DLGAP1: variants seen among roughly 807,000 people sequenced by gnomAD.
DLGAP1 encodes disks large-associated protein 1.
Under a neutral mutation model 90.8 loss-of-function variants are expected in DLGAP1, and 11 were observed. The ratio of observed to expected loss-of-function variants is 0.12; its 90% CI spans 0.08 to 0.20. The LOEUF (loss-of-function observed/expected upper bound fraction) is 0.20, where lower values mean the gene tolerates loss of function less well. DLGAP1 is among the 10% of genes least tolerant of loss of function. The pLI, the probability that DLGAP1 is intolerant of heterozygous loss-of-function variation, is 1.00. For synonymous variants in DLGAP1, 558 were observed against 540.7 expected (o/e 1.03, Z -0.44); for missense variants, 1,050 against 1,333.8 (o/e 0.79, Z 3.31).
intron 4 of DLGAP1, among the ~76,000 whole-genome samples, chr18:3,837,638 C>T (rs774497407): frequency 6.6e-6 from 1 of 151,776 alleles, no homozygotes; most frequent in African/African-American, 2.4e-5. Context: ...TGCCTGAGCT[C>T]GGGAGTTTGA....
chr18:3,917,456 T>C (rs2072171018), intron 3 of DLGAP1, among the ~76,000 whole-genome samples: 1 of 152,222 alleles, frequency 6.6e-6, no homozygotes, highest in African/African-American at 2.4e-5. Flanking sequence ...CTCAGTCAGT[T>C]TGTTGTTACC....
Position 3,515,197 on chromosome 18 carries a change from G to A in DLGAP1, c.2480-6536C>T, listed in dbSNP as rs184572295. ...CAAAATTGGAGTCAAGGGGCCGGGC[G>A]CGGTGGCTCACGCCTGTAATCCCAG... On this transcript the variant is annotated intron_variant, in intron 10 of 12. Coordinates refer to ENST00000315677, the MANE Select transcript of DLGAP1 (RefSeq NM_004746.4). Among the ~76,000 whole-genome samples, 573 of 152,306 alleles carry A rather than the reference G, an allele frequency of 3.8e-3. 5 individuals carry two copies. Among genetic ancestry groups the A allele is most frequent in the South Asian group, 8.1e-3 (39 of 4,830 alleles).
chr18:4,419,272 C>T (rs1378426134), intron 1 of DLGAP1, among the ~76,000 whole-genome samples: 2 of 152,104 alleles, frequency 1.3e-5, no homozygotes, highest in Non-Finnish European at 2.9e-5. Flanking sequence ...ATGATGCAAT[C>T]ATCTCCCACT....
At chr18:3,701,692 G>A (rs1006027338) in intron 7 of DLGAP1, among the ~76,000 whole-genome samples, 1 of 152,202 alleles carries the variant, frequency 6.6e-6, no homozygotes, top group Non-Finnish European at 1.5e-5. Context: ...CCAGGAGACT[G>A]TTTGGACTTT....
intron 4 of DLGAP1, among the ~76,000 whole-genome samples, chr18:3,818,516 T>C (rs989173957): frequency 6.6e-6 from 1 of 152,072 alleles, no homozygotes; most frequent in Admixed American, 6.5e-5. Context: ...TGTGCCACCA[T>C]GCCCAGCTAC....
intron 3 of DLGAP1, among the ~76,000 whole-genome samples, chr18:3,911,493 T>C (rs1379717240): frequency 6.6e-6 from 1 of 152,196 alleles, no homozygotes; most frequent in Non-Finnish European, 1.5e-5. Context: ...ACTCTGTCAG[T>C]AGATGGATTA....
intron 4 of DLGAP1, among the ~76,000 whole-genome samples, chr18:3,842,383 A>G (rs2068766259): frequency 1.3e-5 from 2 of 152,184 alleles, no homozygotes. Flanking sequence ...AGGATTTTTA[A>G]GCAGAAGATT....
chr18:3,567,352 G>A (rs2054493871), intron 9 of DLGAP1, 138 bp downstream of exon 9: 3 of 686,354 alleles, frequency 4.4e-6, no homozygotes, highest in Non-Finnish European at 7.4e-6. Context: ...AACTAATATT[G>A]ATTCAACTTC....
At chr18:4,028,161 T>C (rs544552704) in intron 2 of DLGAP1, among the ~76,000 whole-genome samples, 14 of 152,370 alleles carry the variant, frequency 9.2e-5, no homozygotes, top group African/African-American at 3.1e-4. Flanking sequence ...GGGGCTGTTA[T>C]TGCAAAGACA....
At chr18:4,326,860 G>A (rs75569704) in intron 1 of DLGAP1, among the ~76,000 whole-genome samples, 3,626 of 152,168 alleles carry the variant, frequency 0.024, 150 homozygotes, top group African/African-American at 0.083. Flanking sequence ...AGGGTGAAGC[G>A]TAGGAGAAGG....
chr18:4,362,093 T>G (rs560868370), intron 1 of DLGAP1, among the ~76,000 whole-genome samples: 91 of 152,242 alleles, frequency 6.0e-4, no homozygotes, highest in African/African-American at 2.0e-3. Flanking sequence ...CAAGTGTTGG[T>G]GAGGATGTAG....
At chr18:3,997,765 A>G (rs1286071115) in intron 3 of DLGAP1, among the ~76,000 whole-genome samples, 1 of 152,170 alleles carries the variant, frequency 6.6e-6, no homozygotes, top group Non-Finnish European at 1.5e-5. Flanking sequence ...AATATTATGT[A>G]TGTAGTCATA....
chr18:4,128,782 T>G (rs988721290), intron 2 of DLGAP1, among the ~76,000 whole-genome samples: 4 of 151,902 alleles, frequency 2.6e-5, no homozygotes, highest in Non-Finnish European at 5.9e-5. Context: ...AAGATGAGAG[T>G]GAACGACAGA....
chr18:3,877,409 T>G lies in DLGAP1; in HGVS notation c.957+1703A>C, dbSNP rs569829479. Reference sequence around the variant, plus strand: ...GCATCCTTTACTCTGATACTTCTCATCTAATCTCATCATTACTTACTTAAG... The same window carrying G: ...GCATCCTTTACTCTGATACTTCTCAGCTAATCTCATCATTACTTACTTAAG... On this transcript the variant is annotated intron_variant, in intron 4 of 12. Coordinates refer to ENST00000315677, the MANE Select transcript of DLGAP1 (RefSeq NM_004746.4). Among the ~76,000 whole-genome samples, 38 of 152,358 alleles carry G rather than the reference T, an allele frequency of 2.5e-4. No homozygotes were observed. In the South Asian group the frequency reaches 6.0e-3, roughly 24 times the overall value.
intron 2 of DLGAP1, among the ~76,000 whole-genome samples, chr18:4,047,235 A>G (rs546907921): frequency 1.8e-4 from 27 of 152,360 alleles, no homozygotes; most frequent in African/African-American, 6.3e-4. Flanking sequence ...CAGACAAATA[A>G]AATGGTTTGC....
intron 1 of DLGAP1, among the ~76,000 whole-genome samples, chr18:4,352,796 C>A (rs1172487822): frequency 1.3e-5 from 2 of 152,222 alleles, no homozygotes; most frequent in Non-Finnish European, 2.9e-5. Flanking sequence ...TCAGTCTTTA[C>A]GCTTATTTGA....
At chr18:3,923,463 T>C (rs1053849497) in intron 3 of DLGAP1, among the ~76,000 whole-genome samples, 1 of 152,188 alleles carries the variant, frequency 6.6e-6, no homozygotes, top group African/African-American at 2.4e-5. Flanking sequence ...TAAAAATTCA[T>C]TGGCTTTATG....
intron 3 of DLGAP1, among the ~76,000 whole-genome samples, chr18:3,963,664 A>G (rs2073256219): frequency 1.4e-5 from 2 of 141,198 alleles, no homozygotes; most frequent in African/African-American, 5.3e-5. Flanking sequence ...TCATATTTTC[A>G]GTGTGATTAT....
At chr18:4,304,136 T>C (rs1011613680) in intron 1 of DLGAP1, among the ~76,000 whole-genome samples, 4 of 152,334 alleles carry the variant, frequency 2.6e-5, no homozygotes, top group East Asian at 3.9e-4. Context: ...GAAAAGTTGG[T>C]TATGAGAAGG....
Sources: allele counts gnomAD v4.1 joint callset (sites outside exome capture counted in the v4.1 genomes callset), GRCh38; gene constraint gnomAD v4.1.1; transcripts MANE v1.5; gene names NCBI Gene and HGNC (gene_info 2026-07-23, HGNC 2026-07-21).